SSBP2: variants seen among roughly 807,000 people sequenced by gnomAD.
SSBP2 encodes single-stranded DNA-binding protein 2.
Under a neutral mutation model 61.8 loss-of-function variants are expected in SSBP2, and 17 were observed. The observed-to-expected ratio is 0.28, with a 90% confidence interval of 0.19 to 0.41. SSBP2 has a LOEUF of 0.41. SSBP2 is among the 10% of genes least tolerant of loss of function. SSBP2 has a pLI of 1.00. For missense variants in SSBP2, 310 were observed against 458.7 expected, an observed-to-expected ratio of 0.68 and a Z score of 2.96; for synonymous variants, 139 against 141.3, an observed-to-expected ratio of 0.98 and a Z score of 0.12.
intron 10 of SSBP2, among the ~76,000 whole-genome samples, chr5:81,450,837 CTT>C (rs1217378728): frequency 2.0e-5 from 3 of 152,186 alleles, no homozygotes; most frequent in African/African-American, 7.2e-5. Flanking sequence ...ATTTCCATCT[CTT>C]TGATCACCCT....
chr5:81,440,669 AT>A (rs776664018), intron 13 of SSBP2, 33 bp from the exon 14 acceptor site: 2 of 1,485,296 alleles, frequency 1.3e-6, no homozygotes, highest in Non-Finnish European at 1.8e-6. Context: ...CACTGTAATC[AT>A]ACTGAAAACA....
At chr5:81,692,994 A>C (rs913246582) in intron 1 of SSBP2, among the ~76,000 whole-genome samples, 3 of 152,066 alleles carry the variant, frequency 2.0e-5, no homozygotes, top group African/African-American at 7.2e-5. Context: ...TCACGAGGTC[A>C]GGAGATGGAG....
upstream of SSBP2, chr5:81,751,364 C>A (rs956547668): frequency 2.0e-6 from 1 of 497,452 alleles, no homozygotes; most frequent in East Asian, 3.5e-5. Flanking sequence ...CCCTCCGAAC[C>A]CGGGCGCAAG....
At chr5:81,732,109 A>G (rs1169012770) in intron 1 of SSBP2, among the ~76,000 whole-genome samples, 3 of 152,156 alleles carry the variant, frequency 2.0e-5, no homozygotes, top group Admixed American at 2.0e-4. Context: ...AAAAGTAGGA[A>G]AACATAATCA....
chr5:81,582,842 C>T (rs530167342), intron 4 of SSBP2, among the ~76,000 whole-genome samples: 5 of 152,182 alleles, frequency 3.3e-5, no homozygotes, highest in African/African-American at 4.8e-5. Flanking sequence ...GACCCACCCA[C>T]CTCAGCCTCC....
At chr5:81,673,086 C>G (rs527729535) in intron 1 of SSBP2, among the ~76,000 whole-genome samples, 1 of 152,096 alleles carries the variant, frequency 6.6e-6, no homozygotes, top group African/African-American at 2.4e-5. Flanking sequence ...AGTGATCTGC[C>G]GTCCTCGGCC....
At chr5:81,583,188 A>G (rs4519906) in intron 4 of SSBP2, among the ~76,000 whole-genome samples, 45,685 of 152,052 alleles carry the variant, frequency 0.3, 8,564 homozygotes, top group East Asian at 0.69. Flanking sequence ...CTGCACTCCA[A>G]TGTGGGTGAT....
At chr5:81,515,553 AAT>A (rs1203217838) in intron 4 of SSBP2, among the ~76,000 whole-genome samples, 1 of 151,872 alleles carries the variant, frequency 6.6e-6, no homozygotes, top group Non-Finnish European at 1.5e-5. Context: ...AAGTATATAA[AAT>A]ATGTTTTTTT....
intron 1 of SSBP2, among the ~76,000 whole-genome samples, chr5:81,713,325 G>A (rs536837624): frequency 1.3e-5 from 2 of 150,696 alleles, no homozygotes; most frequent in African/African-American, 2.4e-5. Flanking sequence ...CTCCAAACAG[G>A]GGAACACCCC....
intron 1 of SSBP2, among the ~76,000 whole-genome samples, chr5:81,711,779 T>C (rs1581399745): frequency 6.6e-6 from 1 of 151,952 alleles, no homozygotes; most frequent in Non-Finnish European, 1.5e-5. Context: ...ACAGTGTGGG[T>C]TCTGGAGCCA....
chr5:81,658,300 C>T (rs1750399377), intron 1 of SSBP2, among the ~76,000 whole-genome samples: 1 of 152,146 alleles, frequency 6.6e-6, no homozygotes, highest in Admixed American at 6.6e-5. Context: ...AACTGAGCCT[C>T]CTTATCTGTG....
At chr5:81,741,414 T>G (rs566080427) in intron 1 of SSBP2, among the ~76,000 whole-genome samples, 2 of 152,312 alleles carry the variant, frequency 1.3e-5, no homozygotes, top group South Asian at 4.1e-4. Context: ...AGAACGGTGA[T>G]GGCTATACCA....
At chr5:81,622,012 C>T (rs1225742695) in intron 3 of SSBP2, among the ~76,000 whole-genome samples, 241 of 144,158 alleles carry the variant, frequency 1.7e-3, no homozygotes, top group African/African-American at 5.3e-3. Context: ...GGCTAGATGA[C>T]GAGTTAGTGG....
intron 2 of SSBP2, among the ~76,000 whole-genome samples, chr5:81,648,921 A>T (rs1239845281): frequency 1.3e-5 from 2 of 152,082 alleles, no homozygotes; most frequent in African/African-American, 2.4e-5. Flanking sequence ...CCAAAATTTT[A>T]AAATTATTAA....
intron 1 of SSBP2, among the ~76,000 whole-genome samples, chr5:81,742,586 A>G (rs1341257423): frequency 1.3e-5 from 2 of 152,176 alleles, no homozygotes; most frequent in Non-Finnish European, 2.9e-5. Context: ...ATTAAACATC[A>G]CACAAATGGC....
At chr5:81,643,983 G>C (rs1453052138) in intron 2 of SSBP2, among the ~76,000 whole-genome samples, 1 of 152,168 alleles carries the variant, frequency 6.6e-6, no homozygotes, top group African/African-American at 2.4e-5. Flanking sequence ...CTTTGAAGCA[G>C]ATCATCTAAA....
At chr5:81,695,112 T>C (rs1473613033) in intron 1 of SSBP2, among the ~76,000 whole-genome samples, 3 of 152,208 alleles carry the variant, frequency 2.0e-5, no homozygotes, top group East Asian at 3.8e-4. Flanking sequence ...AAAATACTGA[T>C]AAAATGCCAC....
Position 81,737,834 on chromosome 5 carries a change from T to C in SSBP2, c.62+13147A>G, listed in dbSNP as rs62366311. 4.0e-3 allele frequency among the ~76,000 whole-genome samples: 601 copies of C among 152,050 alleles called. 3 individuals carry two copies. The highest frequency in any genetic ancestry group is 7.7e-3 in the Admixed American group (118 of 15,266). ...AACTCAGCCCTGTTTAACCTTCTTG[T>C]TCATTCTACAAATCTGGCATGGTAA... is the stretch of plus-strand genomic sequence containing the variant. On this transcript the variant is annotated intron_variant, in intron 1 of 16. Transcript: ENST00000320672.
chr5:81,486,232 T>C (rs1204706175), intron 6 of SSBP2, among the ~76,000 whole-genome samples: 4 of 152,196 alleles, frequency 2.6e-5, no homozygotes, highest in Non-Finnish European at 5.9e-5. Flanking sequence ...TAATTGTCTC[T>C]TTTGAAAATT....
Sources: gnomAD v4.1 joint callset for allele counts (sites outside exome capture counted in the v4.1 genomes callset) on GRCh38, gnomAD v4.1.1 for gene constraint, MANE v1.5 for transcripts, NCBI Gene and HGNC (gene_info 2026-07-23, HGNC 2026-07-21) for gene names.